The following RASAL2 variants were observed in gnomAD, a reference collection of about 807,000 sequenced individuals.
RASAL2 encodes the protein RAS protein activator like 2.
In RASAL2, 58 loss-of-function variants were observed where a neutral mutation model predicts 128.9. The ratio of observed to expected loss-of-function variants is 0.45; its 90% CI spans 0.36 to 0.56. RASAL2 has a LOEUF of 0.56. Ranked by LOEUF, RASAL2 falls within the 20% of genes least tolerant of loss-of-function variation. The pLI is 0.00. For synonymous variants in RASAL2, 561 were observed against 580.8 expected (o/e 0.97, Z 0.49); for missense variants, 1,360 against 1,601.6 (o/e 0.85, Z 2.57).
chr1:178,344,908 A>G (rs1304827455), intron 3 of RASAL2, among the ~76,000 whole-genome samples: 17 of 152,218 alleles, frequency 1.1e-4, no homozygotes, highest in Admixed American at 9.8e-4. Flanking sequence ...TGGGAATTCC[A>G]TCTATCAAAA....
chr1:178,401,334 G>A (rs1404519452), intron 4 of RASAL2, among the ~76,000 whole-genome samples: 1 of 152,232 alleles, frequency 6.6e-6, no homozygotes, highest in Non-Finnish European at 1.5e-5. Context: ...ATAGAATTAA[G>A]AAGGGTGGAA....
chr1:178,229,503 T>C (rs1297637586), intron 1 of RASAL2, among the ~76,000 whole-genome samples: 1 of 151,304 alleles, frequency 6.6e-6, no homozygotes, highest in East Asian at 1.9e-4. Context: ...TGGGAGGGGG[T>C]ACCAGTCTGA....
intron 3 of RASAL2, among the ~76,000 whole-genome samples, chr1:178,381,581 C>T (rs1672290694): frequency 6.6e-6 from 1 of 151,854 alleles, no homozygotes; most frequent in African/African-American, 2.4e-5. Flanking sequence ...TACAGGTTTA[C>T]ATATTTGTAT....
chr1:178,227,137 GA>G, intron 1 of RASAL2, among the ~76,000 whole-genome samples: 1 of 151,174 alleles, frequency 6.6e-6, no homozygotes. Flanking sequence ...TACCACCTCA[GA>G]AAAAATCAAA....
rs868747275 is a variant in RASAL2 at position 178,226,209 on chromosome 1, G to A, written c.203-57355G>A. 7.2e-5 allele frequency among the ~76,000 whole-genome samples: 11 copies of A among 152,256 alleles called. No homozygotes were observed. In the Middle Eastern group the frequency reaches 0.01, roughly 141 times the overall value. On this transcript the variant is annotated intron_variant, in intron 1 of 17. Transcript: ENST00000367649. ...ATCTGCATCTTAATATGATCTCCTA[G>A]TATAGTAATTCATTCACACATTATA...
chr1:178,451,382 G>C (rs543947507), intron 9 of RASAL2, among the ~76,000 whole-genome samples, 189 bp from the exon 10 acceptor site: 1 of 152,158 alleles, frequency 6.6e-6, no homozygotes, highest in Non-Finnish European at 1.5e-5. Flanking sequence ...AAATAAACAT[G>C]ATATGTAGGA....
chr1:178,343,513 C>G (rs2102411095), intron 3 of RASAL2, among the ~76,000 whole-genome samples: 1 of 152,214 alleles, frequency 6.6e-6, no homozygotes, highest in Admixed American at 6.5e-5. Flanking sequence ...CATGATATAT[C>G]TATGTATATT....
Position 178,464,258 on chromosome 1 carries a change from A to G in RASAL2, c.3253-20A>G, listed in dbSNP as rs556387005. 2.4e-5 allele frequency: 39 copies of G among 1,599,346 alleles called. 1 individual carries two copies. Among genetic ancestry groups the G allele is most frequent in the South Asian group, 1.8e-4 (16 of 87,982 alleles). ...CGGGTGAGCTGTTAGGGGAAATGCT[A>G]ATAACTGTTTCTGATGCAGGTTCAG... On this transcript the variant is annotated intron_variant, in intron 14 of 17. Coordinates refer to ENST00000367649, the MANE Select transcript of RASAL2 (RefSeq NM_170692.4).
At chr1:178,243,957 G>T (rs962060814) in intron 1 of RASAL2, among the ~76,000 whole-genome samples, 3 of 152,164 alleles carry the variant, frequency 2.0e-5, no homozygotes, top group Admixed American at 1.3e-4. Context: ...CATCATCCAT[G>T]TCAAATATCT....
At chr1:178,446,837 G>C (rs945569398) in intron 9 of RASAL2, among the ~76,000 whole-genome samples, 3 of 152,140 alleles carry the variant, frequency 2.0e-5, no homozygotes, top group African/African-American at 7.2e-5. Context: ...TTTATGTTTT[G>C]TATGTAGTTT....
At chr1:178,114,422 A>G (rs1467409175) in intron 1 of RASAL2, among the ~76,000 whole-genome samples, 1 of 151,850 alleles carries the variant, frequency 6.6e-6, no homozygotes, top group Non-Finnish European at 1.5e-5. Flanking sequence ...TTAGAAGTGG[A>G]TGTTGGATTT....
chr1:178,210,535 A>G (rs1258421208), intron 1 of RASAL2, among the ~76,000 whole-genome samples: 1 of 152,172 alleles, frequency 6.6e-6, no homozygotes, highest in Non-Finnish European at 1.5e-5. Context: ...TTGTTGGCCA[A>G]ACCTGCTGTG....
intron 1 of RASAL2, among the ~76,000 whole-genome samples, chr1:178,222,369 T>G (rs1663644911): frequency 6.6e-6 from 1 of 152,146 alleles, no homozygotes; most frequent in Admixed American, 6.6e-5. Flanking sequence ...GCATTTTGTT[T>G]CACTCCATTT....
chr1:178,279,405 C>G (rs1220881460), intron 1 of RASAL2, among the ~76,000 whole-genome samples: 2 of 152,124 alleles, frequency 1.3e-5, no homozygotes, highest in Non-Finnish European at 2.9e-5. Flanking sequence ...CTGTTTCAGA[C>G]CCTGACCATC....
intron 1 of RASAL2, among the ~76,000 whole-genome samples, chr1:178,243,351 T>A (rs529529023): frequency 6.6e-6 from 1 of 152,058 alleles, no homozygotes; most frequent in Non-Finnish European, 1.5e-5. Context: ...CTCTGGCCCA[T>A]TGGGGAAAAT....
rs77144514 is a variant in RASAL2, at chr1:178,111,587, A to G, written c.202+16893A>G. On this transcript the variant is annotated intron_variant, in intron 1 of 17. Transcript: ENST00000367649. ...GTTCCATTTCCACATCCTCATCAAT[A>G]CTTAATTTTAGCCATTTCAAGAGGT... Among the ~76,000 whole-genome samples, 834 of 152,150 alleles carry G rather than the reference A, an allele frequency of 5.5e-3. 10 individuals are homozygous for G. Among genetic ancestry groups the G allele is most frequent in the African/African-American group, 0.019 (781 of 41,496 alleles).
At chr1:178,155,777 C>T (rs1232165897) in intron 1 of RASAL2, among the ~76,000 whole-genome samples, 1 of 151,814 alleles carries the variant, frequency 6.6e-6, no homozygotes, top group Admixed American at 6.6e-5. Context: ...CTCTACAGGA[C>T]TTTGTTGAGA....
chr1:178,106,168 AT>A, intron 1 of RASAL2, among the ~76,000 whole-genome samples: 1 of 152,216 alleles, frequency 6.6e-6, no homozygotes, highest in African/African-American at 2.4e-5. Flanking sequence ...TTGTAATGAA[AT>A]TTTTTTAATG....
At chr1:178,372,089 A>C in intron 3 of RASAL2, 1 of 848,698 alleles carries the variant, frequency 1.2e-6, no homozygotes, top group African/African-American at 1.8e-5. Flanking sequence ...CAGAATTCAG[A>C]GTGGAGGGAG....
Sources: gnomAD v4.1 joint callset for allele counts (sites outside exome capture counted in the v4.1 genomes callset) on GRCh38, gnomAD v4.1.1 for gene constraint, MANE v1.5 for transcripts, NCBI Gene and HGNC (gene_info 2026-07-23, HGNC 2026-07-21) for gene names.